Variants in RNF38 observed in about 807,000 individuals in gnomAD.
The protein encoded by RNF38 is ring finger protein 38.
A neutral mutation model predicts 67.2 loss-of-function variants in RNF38; 15 were observed. That is an observed-to-expected ratio of 0.22 (90% CI 0.15 to 0.34). The LOEUF is 0.34. Among genes scored for constraint, RNF38 ranks in the 10% least tolerant of loss-of-function variants. The probability of loss-of-function intolerance (pLI) is 1.00; values close to 1 mark genes in which losing one functional copy is unlikely to be tolerated. For synonymous variants in RNF38, 220 were observed against 218.8 expected, an observed-to-expected ratio of 1.01 and a Z score of -0.05; for missense variants, 524 against 639.9, an observed-to-expected ratio of 0.82 and a Z score of 1.95.
At chr9:36,365,005 A>G (rs1834835190) in intron 4 of RNF38, among the ~76,000 whole-genome samples, 1 of 152,224 alleles carries the variant, frequency 6.6e-6, no homozygotes, top group Admixed American at 6.5e-5. Flanking sequence ...GCACAAAGTA[A>G]CCAAAGACAA....
chr9:36,442,635 C>G (rs188723098), intron 1 of RNF38, among the ~76,000 whole-genome samples: 175 of 152,230 alleles, frequency 1.1e-3, no homozygotes, highest in African/African-American at 4.1e-3. Context: ...CAAAAATTAG[C>G]CGGGTGTGGT....
At chr9:36,362,419 G>A (rs539078703) in intron 4 of RNF38, among the ~76,000 whole-genome samples, 2 of 148,758 alleles carry the variant, frequency 1.3e-5, no homozygotes, top group South Asian at 4.2e-4. Context: ...AAAATACTTT[G>A]TAAAATACAA....
chr9:36,338,918 A>T lies in RNF38; in HGVS notation c.*834T>A, dbSNP rs1832646778. On this transcript the variant is annotated 3_prime_UTR_variant, in exon 12 of 12. Coordinates refer to ENST00000259605, the MANE Select transcript of RNF38 (RefSeq NM_022781.5). ...GGAAACAGCAAGTTGGAGATTTAAA[A>T]ATTTCCACAACAGAATAAAAAAAAA... 1 of 152,654 alleles carries T rather than the reference A, an allele frequency of 6.6e-6. No individual in the cohort carries two copies. The highest frequency in any genetic ancestry group is 2.4e-5 in the African/African-American group (1 of 41,446). 9.5% of individuals were successfully genotyped at this position (152,654 alleles called of 1,614,324 possible).
intron 1 of RNF38, among the ~76,000 whole-genome samples, chr9:36,445,796 G>A (rs556830177): frequency 1.3e-5 from 2 of 152,306 alleles, no homozygotes; most frequent in South Asian, 2.1e-4. Context: ...ACAAGACACC[G>A]TAAGGTGTCA....
At chr9:36,429,044 T>C (rs753345775) in intron 1 of RNF38, among the ~76,000 whole-genome samples, 1 of 152,206 alleles carries the variant, frequency 6.6e-6, no homozygotes, top group Non-Finnish European at 1.5e-5. Flanking sequence ...AACATAGGAA[T>C]AAATAACACA....
At chr9:36,432,391 C>T (rs1435435773) in intron 1 of RNF38, among the ~76,000 whole-genome samples, 1 of 152,104 alleles carries the variant, frequency 6.6e-6, no homozygotes, top group African/African-American at 2.4e-5. Flanking sequence ...CTTTGGCATC[C>T]CAAAGTGCTG....
At chr9:36,394,312 G>GT (rs1203666504) in intron 1 of RNF38, among the ~76,000 whole-genome samples, 1 of 152,014 alleles carries the variant, frequency 6.6e-6, no homozygotes, top group Non-Finnish European at 1.5e-5. Flanking sequence ...CTCCTGCAAG[G>GT]TAAGACCCTG....
At chr9:36,455,378 G>T (rs75517321) in intron 1 of RNF38, among the ~76,000 whole-genome samples, 9,210 of 151,916 alleles carry the variant, frequency 0.061, 308 homozygotes, top group South Asian at 0.14. Context: ...ATGAAATATT[G>T]TACTTTATCT....
At chr9:36,469,952 C>T (rs1839958236) in intron 1 of RNF38, among the ~76,000 whole-genome samples, 1 of 152,098 alleles carries the variant, frequency 6.6e-6, no homozygotes, top group Admixed American at 6.5e-5. Flanking sequence ...GCACTCTAGC[C>T]TGAGTGACAG....
intron 2 of RNF38, among the ~76,000 whole-genome samples, chr9:36,420,314 C>T (rs1019083906): frequency 1.3e-5 from 2 of 151,976 alleles, no homozygotes; most frequent in East Asian, 1.9e-4. Context: ...GGGTGGGTCA[C>T]GAGGTCAGGA....
At chr9:36,476,452 G>A (rs1319171712) in intron 1 of RNF38, among the ~76,000 whole-genome samples, 1 of 150,552 alleles carries the variant, frequency 6.6e-6, no homozygotes, top group African/African-American at 2.4e-5. Context: ...AAATGTAGCT[G>A]TCAAATTGGT....
chr9:36,362,186 G>A (rs375463467), intron 4 of RNF38, among the ~76,000 whole-genome samples: 30 of 152,048 alleles, frequency 2.0e-4, no homozygotes, highest in African/African-American at 6.3e-4. Context: ...GTGAAACCCC[G>A]TCTCTACTAA....
At chr9:36,438,269 T>G (rs952994882) in intron 1 of RNF38, among the ~76,000 whole-genome samples, 1 of 152,052 alleles carries the variant, frequency 6.6e-6, no homozygotes, top group Admixed American at 6.6e-5. Flanking sequence ...ACCTTCAAAG[T>G]AGTCCAAGAT....
At chr9:36,365,184 G>A (rs1331610169) in intron 4 of RNF38, among the ~76,000 whole-genome samples, 1 of 151,960 alleles carries the variant, frequency 6.6e-6, no homozygotes, top group Non-Finnish European at 1.5e-5. Context: ...AATTTATTTG[G>A]GATTATACTA....
At chr9:36,463,583 A>G (rs1313123160) in intron 1 of RNF38, among the ~76,000 whole-genome samples, 1 of 150,908 alleles carries the variant, frequency 6.6e-6, no homozygotes, top group Admixed American at 6.6e-5. Flanking sequence ...GGTACACTAG[A>G]AAAAAAAAAT....
intron 6 of RNF38, among the ~76,000 whole-genome samples, chr9:36,354,410 C>G (rs544043456): frequency 6.6e-6 from 1 of 152,136 alleles, no homozygotes; most frequent in Non-Finnish European, 1.5e-5. Flanking sequence ...ACCGTGTTAG[C>G]CAGGATGGTC....
chr9:36,467,735 C>T (rs1472231316), intron 1 of RNF38, among the ~76,000 whole-genome samples: 1 of 152,152 alleles, frequency 6.6e-6, no homozygotes, highest in Non-Finnish European at 1.5e-5. Flanking sequence ...AATTTGTGGA[C>T]ACACACCAAA....
At chr9:36,443,897 A>G (rs1294478858) in intron 1 of RNF38, among the ~76,000 whole-genome samples, 1 of 152,164 alleles carries the variant, frequency 6.6e-6, no homozygotes, top group Non-Finnish European at 1.5e-5. Flanking sequence ...AAAATTAACT[A>G]CAGTCAACTT....
intron 4 of RNF38, 136 bp from the exon 5 acceptor site, chr9:36,358,078 A>C (rs1206022808): frequency 1.5e-6 from 1 of 656,226 alleles, no homozygotes; most frequent in Non-Finnish European, 2.6e-6. Context: ...AATAGTTTCG[A>C]CCAGAATATT....
Sources: gnomAD v4.1 joint callset for allele counts (sites outside exome capture counted in the v4.1 genomes callset) on GRCh38, gnomAD v4.1.1 for gene constraint, MANE v1.5 for transcripts, NCBI Gene and HGNC (gene_info 2026-07-23, HGNC 2026-07-21) for gene names.